DISP1: variants seen among roughly 807,000 people sequenced by gnomAD.
The protein encoded by DISP1 is dispatched RND transporter family member 1.
Under a neutral mutation model 37.3 loss-of-function variants are expected in DISP1, and 30 were observed. The observed-to-expected ratio is 0.80, with a 90% confidence interval of 0.60 to 1.09. The LOEUF (loss-of-function observed/expected upper bound fraction) is 1.09. Among genes scored for constraint, DISP1 ranks in the 50% least tolerant of loss-of-function variants. DISP1 has a pLI of 0.00. For missense variants in DISP1, 1,598 were observed against 1,879.5 expected, an observed-to-expected ratio of 0.85 and a Z score of 2.77; for synonymous variants, 634 against 690.2, an observed-to-expected ratio of 0.92 and a Z score of 1.28.
At chr1:222,878,603 A>T (rs963410086) in intron 1 of DISP1, among the ~76,000 whole-genome samples, 6 of 152,216 alleles carry the variant, frequency 3.9e-5, no homozygotes, top group Admixed American at 2.0e-4. Context: ...GTATATGGTA[A>T]GATCTCCAGG....
chr1:222,974,879 A>G (rs1472122803), intron 3 of DISP1, among the ~76,000 whole-genome samples: 1 of 152,184 alleles, frequency 6.6e-6, no homozygotes. Context: ...AATGCTCATC[A>G]AAGTGCGGAT....
At chr1:222,935,651 G>C (rs1339619076) in intron 2 of DISP1, among the ~76,000 whole-genome samples, 1 of 151,978 alleles carries the variant, frequency 6.6e-6, no homozygotes, top group African/African-American at 2.4e-5. Context: ...TGAAAATGGT[G>C]TTCCTTCAGG....
intron 2 of DISP1, among the ~76,000 whole-genome samples, chr1:222,936,090 T>C (rs573669275): frequency 6.6e-6 from 1 of 152,332 alleles, no homozygotes; most frequent in South Asian, 2.1e-4. Context: ...TTTTTATTAT[T>C]CATGTTTAGA....
chr1:222,897,874 A>G (rs1200158282), intron 1 of DISP1, among the ~76,000 whole-genome samples: 2 of 152,218 alleles, frequency 1.3e-5, no homozygotes, highest in East Asian at 3.8e-4. Flanking sequence ...TAATGTAAAA[A>G]CATGTACATG....
At chr1:222,825,982 G>A (rs1664285933) in intron 1 of DISP1, among the ~76,000 whole-genome samples, 1 of 152,192 alleles carries the variant, frequency 6.6e-6, no homozygotes, top group Non-Finnish European at 1.5e-5. Flanking sequence ...GCCCACTACA[G>A]CCTTGACTTC....
chr1:222,986,886 T>C (rs1678312388), intron 4 of DISP1, among the ~76,000 whole-genome samples: 1 of 152,094 alleles, frequency 6.6e-6, no homozygotes, highest in South Asian at 2.1e-4. Context: ...TACAGTTATA[T>C]TGTGGTGTCT....
chr1:222,951,144 C>T (rs762121599), intron 3 of DISP1, among the ~76,000 whole-genome samples: 10 of 152,230 alleles, frequency 6.6e-5, no homozygotes, highest in Non-Finnish European at 1.5e-4. Flanking sequence ...GAATGCTTGG[C>T]GTAGAGGGAA....
intron 3 of DISP1, among the ~76,000 whole-genome samples, chr1:222,954,704 A>T (rs1219042213): frequency 6.6e-6 from 1 of 152,020 alleles, no homozygotes; most frequent in Non-Finnish European, 1.5e-5. Flanking sequence ...AGGAGAGGGG[A>T]GGGGCTTTTC....
chr1:222,964,869 C>A (rs1676352079), intron 3 of DISP1, among the ~76,000 whole-genome samples: 1 of 152,168 alleles, frequency 6.6e-6, no homozygotes, highest in African/African-American at 2.4e-5. Flanking sequence ...AATTTTGATG[C>A]CTTTGCTCCA....
chr1:222,952,627 G>A (rs572044316), intron 3 of DISP1, among the ~76,000 whole-genome samples: 6 of 152,160 alleles, frequency 3.9e-5, no homozygotes, highest in Middle Eastern at 3.4e-3. Flanking sequence ...CGAGGCAGGC[G>A]GATCACAAGG....
chr1:222,831,860 G>A (rs1558282048), intron 1 of DISP1, among the ~76,000 whole-genome samples: 1 of 152,206 alleles, frequency 6.6e-6, no homozygotes, highest in East Asian at 1.9e-4. Flanking sequence ...AGGACCTTGA[G>A]TACCATCTTG....
At chr1:222,891,609 G>A (rs1426121214) in intron 1 of DISP1, among the ~76,000 whole-genome samples, 1 of 152,148 alleles carries the variant, frequency 6.6e-6, no homozygotes, top group Non-Finnish European at 1.5e-5. Context: ...ACAATATGCA[G>A]TAAGAAAAAG....
chr1:222,818,475 A>T (rs1244232747), intron 1 of DISP1, among the ~76,000 whole-genome samples: 1 of 152,170 alleles, frequency 6.6e-6, no homozygotes, highest in African/African-American at 2.4e-5. Flanking sequence ...TCACTGTGTT[A>T]GTGTATAATT....
chr1:222,994,741 A>T (rs1239128616), intron 7 of DISP1, 144 bp from the exon 8 acceptor site: 5 of 643,216 alleles, frequency 7.8e-6, no homozygotes, highest in Non-Finnish European at 1.3e-5. Flanking sequence ...TTTCTCCTGG[A>T]ATTTATCAAA....
chr1:222,939,558 C>T (rs1674224480), intron 2 of DISP1, among the ~76,000 whole-genome samples: 7 of 151,886 alleles, frequency 4.6e-5, no homozygotes, highest in Admixed American at 4.6e-4. Flanking sequence ...CACAGTGGCT[C>T]ACGCCTGTAA....
At chr1:222,825,836 C>T (rs762878609) in intron 1 of DISP1, among the ~76,000 whole-genome samples, 4 of 151,954 alleles carry the variant, frequency 2.6e-5, no homozygotes, top group African/African-American at 4.8e-5. Context: ...ACATTGTTAA[C>T]CCAGCCTCCT....
chr1:222,986,190 T>C (rs1158666365), intron 4 of DISP1, among the ~76,000 whole-genome samples: 3 of 151,794 alleles, frequency 2.0e-5, no homozygotes, highest in African/African-American at 7.3e-5. Flanking sequence ...CGGTGGTCGG[T>C]GAGGAAAAGG....
intron 1 of DISP1, among the ~76,000 whole-genome samples, chr1:222,918,108 G>A (rs1672597441): frequency 6.6e-6 from 1 of 152,150 alleles, no homozygotes; most frequent in South Asian, 2.1e-4. Flanking sequence ...TCCCTGTTGG[G>A]AAATGAGAAG....
At chr1:222,817,578 A>G (rs1225582439) in intron 1 of DISP1, among the ~76,000 whole-genome samples, 1 of 152,230 alleles carries the variant, frequency 6.6e-6, no homozygotes, top group Non-Finnish European at 1.5e-5. Context: ...ATGAGGAGCT[A>G]CGAAAGACTG....
Sources: gnomAD v4.1 joint callset for allele counts (sites outside exome capture counted in the v4.1 genomes callset) on GRCh38, gnomAD v4.1.1 for gene constraint, MANE v1.5 for transcripts, NCBI Gene and HGNC (gene_info 2026-07-23, HGNC 2026-07-21) for gene names.